The following ZNF804B variants were observed in gnomAD, a reference collection of about 807,000 sequenced individuals.
ZNF804B encodes zinc finger 804B.
A neutral mutation model predicts 101.4 loss-of-function variants in ZNF804B; 80 were observed. That is an observed-to-expected ratio of 0.79 (90% confidence interval 0.66 to 0.95). ZNF804B has a LOEUF of 0.95. Ranked by LOEUF, ZNF804B falls within the 40% of genes least tolerant of loss-of-function variation. The probability of loss-of-function intolerance (pLI) is 0.00; values close to 1 mark genes in which losing one functional copy is unlikely to be tolerated. For synonymous variants in ZNF804B, 622 were observed against 558.8 expected (o/e 1.11, Z -1.59); for missense variants, 1,673 against 1,561.9 (o/e 1.07, Z -1.20).
chr7:89,089,952 G>A (rs1789857756), intron 1 of ZNF804B, among the ~76,000 whole-genome samples: 1 of 151,826 alleles, frequency 6.6e-6, no homozygotes, highest in South Asian at 2.1e-4. Context: ...TGTTTAAAGA[G>A]AAAAAAATAG....
chr7:88,889,331 A>G (rs1240355156), intron 1 of ZNF804B, among the ~76,000 whole-genome samples: 4 of 152,124 alleles, frequency 2.6e-5, no homozygotes, highest in Admixed American at 2.0e-4. Flanking sequence ...TGCTGGGTCC[A>G]AGGAACTCTA....
At chr7:88,905,606 G>A (rs957748331) in intron 1 of ZNF804B, among the ~76,000 whole-genome samples, 4 of 152,014 alleles carry the variant, frequency 2.6e-5, no homozygotes, top group South Asian at 2.1e-4. Flanking sequence ...TGATCTCTCC[G>A]CCTTGACCTC....
chr7:88,980,802 G>C (rs897537805), intron 1 of ZNF804B, among the ~76,000 whole-genome samples: 16 of 152,012 alleles, frequency 1.1e-4, no homozygotes, highest in Non-Finnish European at 1.9e-4. Context: ...AAAGCCCACA[G>C]TGACCACTGC....
At chr7:89,204,077 T>C (rs1788683908) in intron 1 of ZNF804B, among the ~76,000 whole-genome samples, 1 of 152,188 alleles carries the variant, frequency 6.6e-6, no homozygotes, top group Non-Finnish European at 1.5e-5. Context: ...TCACAAATTT[T>C]AAATTAAAAG....
intron 1 of ZNF804B, among the ~76,000 whole-genome samples, chr7:88,876,367 C>T (rs554214453): frequency 6.6e-6 from 1 of 152,254 alleles, no homozygotes; most frequent in Non-Finnish European, 1.5e-5. Context: ...ATTTTTGCTG[C>T]TCTTTCTGAA....
At chr7:88,904,874 A>G (rs765380728) in intron 1 of ZNF804B, among the ~76,000 whole-genome samples, 6 of 152,122 alleles carry the variant, frequency 3.9e-5, no homozygotes, top group Non-Finnish European at 8.8e-5. Context: ...TTCCATGTAT[A>G]GAATTATTTT....
At chr7:89,175,811 T>C (rs1168552283) in intron 1 of ZNF804B, among the ~76,000 whole-genome samples, 2 of 152,066 alleles carry the variant, frequency 1.3e-5, no homozygotes, top group Non-Finnish European at 1.5e-5. Context: ...TTCCTAGGTA[T>C]TTTATTTTGT....
intron 1 of ZNF804B, among the ~76,000 whole-genome samples, chr7:89,119,059 C>T (rs1210042433): frequency 6.6e-6 from 1 of 152,100 alleles, no homozygotes; most frequent in Non-Finnish European, 1.5e-5. Flanking sequence ...AATTCATCAT[C>T]ATTAGACTGA....
At chr7:88,865,381 A>T (rs776842942) in intron 1 of ZNF804B, among the ~76,000 whole-genome samples, 4 of 151,992 alleles carry the variant, frequency 2.6e-5, no homozygotes, top group African/African-American at 4.8e-5. Flanking sequence ...AAAGTAAAAA[A>T]ATTAGCTGGG....
intron 1 of ZNF804B, among the ~76,000 whole-genome samples, chr7:88,828,212 G>T (rs952098156): frequency 1.3e-5 from 2 of 151,974 alleles, no homozygotes; most frequent in African/African-American, 4.8e-5. Context: ...TAATTAATAT[G>T]CAATAAATGC....
chr7:89,123,774 A>C (rs1790439217), intron 1 of ZNF804B, among the ~76,000 whole-genome samples: 1 of 152,168 alleles, frequency 6.6e-6, no homozygotes, highest in African/African-American at 2.4e-5. Context: ...GAGGATGAGT[A>C]AATTGCCAAA....
At chr7:88,798,416 CAT>C (rs1790524752) in intron 1 of ZNF804B, among the ~76,000 whole-genome samples, 2 of 152,140 alleles carry the variant, frequency 1.3e-5, no homozygotes, top group Non-Finnish European at 2.9e-5. Context: ...TCTTGAAAAA[CAT>C]ATGAACTATC....
At chr7:88,831,505 A>G (rs1791132639) in intron 1 of ZNF804B, among the ~76,000 whole-genome samples, 1 of 115,556 alleles carries the variant, frequency 8.7e-6, no homozygotes, top group Non-Finnish European at 1.7e-5. Flanking sequence ...ATTTTGAGAA[A>G]TCAAATTGTT....
chr7:89,192,409 A>G (rs1393995520), intron 1 of ZNF804B, among the ~76,000 whole-genome samples: 1 of 152,070 alleles, frequency 6.6e-6, no homozygotes, highest in Non-Finnish European at 1.5e-5. Context: ...ATAGAATGCC[A>G]TTCAACAATG....
At position 88,947,482 on chromosome 7, in the gene ZNF804B, A is replaced by G. The variant is rs183309071; in HGVS notation, c.108+187398A>G. ...TTGAACAATGAGAACACGTGGACAC[A>G]GGGAGGGGAACATCAAACACCAGGG... is the stretch of plus-strand genomic sequence containing the variant. On this transcript the variant is annotated intron_variant, in intron 1 of 3. Coordinates refer to ENST00000333190, the MANE Select transcript of ZNF804B (RefSeq NM_181646.5). Among the ~76,000 whole-genome samples, 268 of 151,552 alleles carry G rather than the reference A, an allele frequency of 1.8e-3. 3 individuals are homozygous for G. Among genetic ancestry groups the G allele is most frequent in the African/African-American group, 6.1e-3 (251 of 41,372 alleles).
At chr7:88,940,054 T>C (rs182382265) in intron 1 of ZNF804B, among the ~76,000 whole-genome samples, 3 of 151,994 alleles carry the variant, frequency 2.0e-5, no homozygotes, top group African/African-American at 7.2e-5. Flanking sequence ...ATTCATGTAT[T>C]TGAAAGAACT....
At chr7:89,004,825 G>C (rs968563545) in intron 1 of ZNF804B, among the ~76,000 whole-genome samples, 1 of 151,740 alleles carries the variant, frequency 6.6e-6, no homozygotes, top group African/African-American at 2.4e-5. Context: ...GTATCAGTGG[G>C]GCCACCATCT....
chr7:88,813,033 T>A (rs755420289), intron 1 of ZNF804B, among the ~76,000 whole-genome samples: 2 of 152,124 alleles, frequency 1.3e-5, no homozygotes, highest in Non-Finnish European at 2.9e-5. Context: ...GTAAATTTTA[T>A]GTTAGGTGGT....
intron 1 of ZNF804B, among the ~76,000 whole-genome samples, chr7:89,177,115 G>A (rs1037829338): frequency 1.3e-5 from 2 of 151,650 alleles, no homozygotes; most frequent in African/African-American, 4.8e-5. Flanking sequence ...TTTTTTGTTC[G>A]AATTTATTTC....
Sources: allele counts gnomAD v4.1 joint callset (sites outside exome capture counted in the v4.1 genomes callset), GRCh38; gene constraint gnomAD v4.1.1; transcripts MANE v1.5; gene names NCBI Gene and HGNC (gene_info 2026-07-23, HGNC 2026-07-21).